SNX3: variants seen among roughly 807,000 people sequenced by gnomAD.
SNX3 encodes the protein sorting nexin-3.
In SNX3, 5 loss-of-function variants were observed where a neutral mutation model predicts 17.7. That is an observed-to-expected ratio of 0.28 (90% CI 0.15 to 0.59). SNX3 has a LOEUF of 0.59. Among genes scored for constraint, SNX3 ranks in the 20% least tolerant of loss-of-function variants. The probability of loss-of-function intolerance (pLI) is 0.88; values close to 1 mark genes in which losing one functional copy is unlikely to be tolerated. For missense variants in SNX3, 132 were observed against 206.8 expected (o/e 0.64, Z 2.22); for synonymous variants, 91 against 76.5 (o/e 1.19, Z -0.99).
intron 3 of SNX3, among the ~76,000 whole-genome samples, chr6:108,213,522 C>T (rs977330862): frequency 7.9e-5 from 12 of 151,770 alleles, no homozygotes; most frequent in African/African-American, 2.9e-4. Context: ...CACGATGGTG[C>T]GCAACTATAA....
intron 1 of SNX3, among the ~76,000 whole-genome samples, chr6:108,257,322 C>A (rs1472759635): frequency 6.6e-6 from 1 of 151,994 alleles, no homozygotes; most frequent in African/African-American, 2.4e-5. Context: ...GAGTTCAAGA[C>A]CATCATGGGC....
At chr6:108,240,512 C>T (rs1194670357) in intron 1 of SNX3, among the ~76,000 whole-genome samples, 1 of 152,196 alleles carries the variant, frequency 6.6e-6, no homozygotes, top group Non-Finnish European at 1.5e-5. Flanking sequence ...AGCCACCATG[C>T]CCGGCCAGAA....
chr6:108,238,640 G>A (rs1180183224), intron 1 of SNX3, among the ~76,000 whole-genome samples: 1 of 152,060 alleles, frequency 6.6e-6, no homozygotes, highest in Non-Finnish European at 1.5e-5. Context: ...AAGTGTCCAA[G>A]TTTTCATGCT....
chr6:108,253,139 G>A (rs1329082339), intron 1 of SNX3, among the ~76,000 whole-genome samples: 1 of 152,186 alleles, frequency 6.6e-6, no homozygotes, highest in Non-Finnish European at 1.5e-5. Flanking sequence ...AGGTGAGCAG[G>A]AGAGGAAAAT....
chr6:108,253,943 G>A (rs914656433), intron 1 of SNX3, among the ~76,000 whole-genome samples: 3 of 152,174 alleles, frequency 2.0e-5, no homozygotes, highest in South Asian at 2.1e-4. Flanking sequence ...GGCTAACAAG[G>A]TGAAACACCA....
intron 1 of SNX3, among the ~76,000 whole-genome samples, chr6:108,229,765 A>G (rs1426200937): frequency 6.6e-6 from 1 of 152,222 alleles, no homozygotes; most frequent in Non-Finnish European, 1.5e-5. Context: ...AGTACAGTGT[A>G]TATTTAGTAT....
intron 1 of SNX3, among the ~76,000 whole-genome samples, chr6:108,259,564 C>T (rs1776127506): frequency 6.6e-6 from 1 of 152,194 alleles, no homozygotes; most frequent in South Asian, 2.1e-4. Flanking sequence ...CATAAGAAGA[C>T]AACAGTGGCT....
chr6:108,234,053 G>A (rs187764283), intron 1 of SNX3, among the ~76,000 whole-genome samples: 1 of 152,114 alleles, frequency 6.6e-6, no homozygotes, highest in East Asian at 1.9e-4. Context: ...TCCTCCTCAA[G>A]GGTTATATTT....
At chr6:108,228,354 G>C (rs1486590752) in intron 1 of SNX3, among the ~76,000 whole-genome samples, 1 of 152,106 alleles carries the variant, frequency 6.6e-6, no homozygotes, top group African/African-American at 2.4e-5. Context: ...TTCGCGACCA[G>C]CCTGGACAAC....
chr6:108,251,376 G>C (rs530190818), intron 1 of SNX3, among the ~76,000 whole-genome samples: 180 of 152,296 alleles, frequency 1.2e-3, no homozygotes, highest in African/African-American at 4.1e-3. Context: ...ACAACCATTT[G>C]TTAATGTGGC....
At chr6:108,240,925 G>A (rs570551256) in intron 1 of SNX3, among the ~76,000 whole-genome samples, 7 of 151,524 alleles carry the variant, frequency 4.6e-5, no homozygotes, top group Non-Finnish European at 7.4e-5. Context: ...GGTGGATCAC[G>A]AGGTCAGGAG....
intron 2 of SNX3, among the ~76,000 whole-genome samples, chr6:108,217,053 T>C (rs1562418985): frequency 6.6e-6 from 1 of 151,590 alleles, no homozygotes; most frequent in South Asian, 2.1e-4. Flanking sequence ...CAGGGAAAAA[T>C]ATCTGTATCT....
intron 2 of SNX3, among the ~76,000 whole-genome samples, chr6:108,219,977 T>C (rs926546541): frequency 6.6e-6 from 1 of 152,188 alleles, no homozygotes; most frequent in African/African-American, 2.4e-5. Flanking sequence ...GGCTACTATG[T>C]ATATTTGTGA....
chr6:108,257,987 AAAAG>A (rs1204495364), intron 1 of SNX3, among the ~76,000 whole-genome samples: 15 of 152,174 alleles, frequency 9.9e-5, no homozygotes, highest in Admixed American at 9.2e-4. Context: ...TAAAAATAAA[AAAAG>A]AAAGAAATCC....
chr6:108,229,619 C>G (rs754504065), intron 1 of SNX3, among the ~76,000 whole-genome samples: 8 of 152,140 alleles, frequency 5.3e-5, no homozygotes, highest in Admixed American at 6.5e-5. Context: ...CAGAGTTTCG[C>G]TCTTGTCGCC....
intron 1 of SNX3, among the ~76,000 whole-genome samples, chr6:108,247,397 TCA>T (rs761662757): frequency 3.2e-4 from 49 of 152,190 alleles, no homozygotes; most frequent in Non-Finnish European, 4.6e-4. Context: ...TGACCGGGTC[TCA>T]CTCTGTTACC....
chr6:108,225,485 G>A (rs1157550156), intron 1 of SNX3, among the ~76,000 whole-genome samples: 1 of 151,890 alleles, frequency 6.6e-6, no homozygotes, highest in Non-Finnish European at 1.5e-5. Flanking sequence ...ACAAAACTTA[G>A]CTGGGCATGG....
chr6:108,244,309 C>T (rs1360524269), intron 1 of SNX3, among the ~76,000 whole-genome samples: 5 of 152,200 alleles, frequency 3.3e-5, no homozygotes, highest in Non-Finnish European at 7.4e-5. Flanking sequence ...GTGCATGCCA[C>T]CATACCTAGC....
intron 1 of SNX3, among the ~76,000 whole-genome samples, chr6:108,258,991 C>T (rs1451720682): frequency 6.6e-6 from 1 of 151,926 alleles, no homozygotes; most frequent in Non-Finnish European, 1.5e-5. Flanking sequence ...CAGGAAGTAC[C>T]TGCTATGGAA....
Sources: gnomAD v4.1 joint callset for allele counts (sites outside exome capture counted in the v4.1 genomes callset) on GRCh38, gnomAD v4.1.1 for gene constraint, MANE v1.5 for transcripts, NCBI Gene and HGNC (gene_info 2026-07-23, HGNC 2026-07-21) for gene names.